Variants in PDE3A observed in about 807,000 individuals in gnomAD.
PDE3A encodes the protein cGMP-inhibited 3',5'-cyclic phosphodiesterase 3A.
PDE3A carries 43 observed loss-of-function variants against 98.3 expected under a neutral mutation model. That is an observed-to-expected ratio of 0.44 (90% CI 0.34 to 0.56). The LOEUF is 0.56. PDE3A is among the 20% of genes least tolerant of loss of function. The pLI is 0.01. For synonymous variants in PDE3A, 663 were observed against 567.9 expected (o/e 1.17, Z -2.38); for missense variants, 1,427 against 1,440.7 (o/e 0.99, Z 0.15).
chr12:20,534,641 C>G (rs1181504320), intron 1 of PDE3A, among the ~76,000 whole-genome samples: 1 of 152,126 alleles, frequency 6.6e-6, no homozygotes, highest in African/African-American at 2.4e-5. Flanking sequence ...GACCTTTGGA[C>G]ACATTTTCTG....
chr12:20,572,176 G>C (rs1462052588), intron 2 of PDE3A: 2 of 1,203,074 alleles, frequency 1.7e-6, no homozygotes, highest in Admixed American at 4.7e-5. Flanking sequence ...GAAAAGGTAT[G>C]AATAACCTTT....
chr12:20,481,616 A>G (rs1337037315), intron 1 of PDE3A, among the ~76,000 whole-genome samples: 1 of 152,116 alleles, frequency 6.6e-6, no homozygotes, highest in East Asian at 1.9e-4. Flanking sequence ...TAAGTAAAGG[A>G]AGCATTTTAA....
rs1409061448 is a variant in PDE3A, at chr12:20,613,597, C to A, written c.1166C>A (p.Ala389Asp). ...NLLSTQLTFQ[A>D]IHKPRVNPVT... ...CTCAGCACACAGCTCACCTTCCAGG[C>A]CATTCACAAGCCCAGAGTGAATCCC... Residue 389 changes from alanine (A) to aspartate (D), a missense_variant, in exon 3 of 16, where the codon GCC becomes GAC. By Grantham distance (126) the Ala-to-Asp change is moderately radical. Transcript: ENST00000359062. 1.2e-6 allele frequency: 2 copies of A among 1,613,922 alleles called. No homozygotes were observed. The highest frequency in any genetic ancestry group is 1.1e-5 in the South Asian group (1 of 91,080).
Position 20,650,457 on chromosome 12 carries a change from G to T in PDE3A, c.2782G>T (p.Val928Phe). 1.2e-6 allele frequency: 2 copies of T among 1,606,146 alleles called. No individual in the cohort carries two copies. Among genetic ancestry groups the T allele is most frequent in the Non-Finnish European group, 1.7e-6 (2 of 1,174,810 alleles). ...AKFNGKVNDD[V>F]GIDWTNENDR... ...ATCTCTCAAATAGGTAAATGATGAT[G>T]TTGGAATAGATTGGACCAATGAAAA... is the stretch of plus-strand genomic sequence containing the variant. The change falls in exon 14 of 16, where the codon GTT (valine) becomes TTT (phenylalanine). Residue 928 changes from valine to phenylalanine, a missense_variant. By Grantham distance (50) the Val-to-Phe change is conservative. Transcript: ENST00000359062.
At chr12:20,519,293 C>T (rs954465393) in intron 1 of PDE3A, among the ~76,000 whole-genome samples, 2 of 152,138 alleles carry the variant, frequency 1.3e-5, no homozygotes, top group African/African-American at 4.8e-5. Context: ...ACTGGTGCCC[C>T]CTGGAGTTGT....
At chr12:20,602,994 A>G (rs1186884530) in intron 2 of PDE3A, among the ~76,000 whole-genome samples, 3 of 152,210 alleles carry the variant, frequency 2.0e-5, no homozygotes, top group African/African-American at 7.2e-5. Context: ...TTAATGTAGT[A>G]CATTAAAGAC....
At chr12:20,554,491 T>G (rs1942313937) in intron 1 of PDE3A, among the ~76,000 whole-genome samples, 1 of 151,880 alleles carries the variant, frequency 6.6e-6, no homozygotes, top group Non-Finnish European at 1.5e-5. Context: ...TTTTAAAAAT[T>G]TGTCTTTTAA....
chr12:20,644,170 C>T (rs1302393409), intron 10 of PDE3A, among the ~76,000 whole-genome samples: 2 of 152,174 alleles, frequency 1.3e-5, no homozygotes, highest in Non-Finnish European at 2.9e-5. Flanking sequence ...CCCAGACTGC[C>T]ATTTTCCTAC....
At chr12:20,650,243 CGTTA>C (rs202240690) in intron 13 of PDE3A, among the ~76,000 whole-genome samples, 198 bp from the exon 14 acceptor site, 1 of 139,266 alleles carries the variant, frequency 7.2e-6, no homozygotes, top group African/African-American at 2.6e-5. Flanking sequence ...ATCCATAATT[CGTTA>C]TTTTACTTTT....
intron 15 of PDE3A, among the ~76,000 whole-genome samples, chr12:20,661,953 G>A (rs1945181313): frequency 2.0e-5 from 3 of 151,990 alleles, no homozygotes; most frequent in African/African-American, 7.3e-5. Flanking sequence ...CCAACAGCTG[G>A]CACCATGTGC....
At chr12:20,641,869 T>C in intron 10 of PDE3A, among the ~76,000 whole-genome samples, 1 of 152,176 alleles carries the variant, frequency 6.6e-6, no homozygotes, top group East Asian at 1.9e-4. Context: ...AAGTCCCAGA[T>C]AGTCTCCATA....
At chr12:20,549,307 C>T (rs1364780959) in intron 1 of PDE3A, among the ~76,000 whole-genome samples, 1 of 150,338 alleles carries the variant, frequency 6.7e-6, no homozygotes, top group Non-Finnish European at 1.5e-5. Context: ...CACCCCATGC[C>T]CCATCTAGTG....
chr12:20,523,614 G>T (rs1271688811), intron 1 of PDE3A, among the ~76,000 whole-genome samples: 1 of 152,130 alleles, frequency 6.6e-6, no homozygotes, highest in Non-Finnish European at 1.5e-5. Flanking sequence ...TTCAAATGTT[G>T]ATTTTTAGTG....
intron 1 of PDE3A, chr12:20,449,861 G>T: frequency 1.6e-6 from 1 of 609,092 alleles, no homozygotes. Context: ...GCCCCTTTTA[G>T]TGGACATTTG....
intron 1 of PDE3A, among the ~76,000 whole-genome samples, chr12:20,470,838 C>T (rs544385854): frequency 1.6e-4 from 24 of 152,028 alleles, no homozygotes; most frequent in Non-Finnish European, 3.4e-4. Flanking sequence ...GGTGAAGGGG[C>T]CTTTGGCAGG....
intron 13 of PDE3A, among the ~76,000 whole-genome samples, chr12:20,649,747 G>A (rs1054408781): frequency 1.3e-5 from 2 of 152,040 alleles, no homozygotes; most frequent in South Asian, 2.1e-4. Flanking sequence ...CTAATATGGC[G>A]AAACACCATC....
intron 10 of PDE3A, among the ~76,000 whole-genome samples, chr12:20,644,822 C>G (rs1041232792): frequency 9.5e-4 from 143 of 150,676 alleles, no homozygotes; most frequent in African/African-American, 3.3e-3. Flanking sequence ...CCTCCTCCTC[C>G]TCCTCCTTCC....
At chr12:20,433,078 A>C (rs565983958) in intron 1 of PDE3A, among the ~76,000 whole-genome samples, 2 of 152,114 alleles carry the variant, frequency 1.3e-5, no homozygotes, top group African/African-American at 4.8e-5. Flanking sequence ...CAACTATAAC[A>C]ATGAATAGAT....
intron 1 of PDE3A, among the ~76,000 whole-genome samples, chr12:20,544,000 G>C (rs191242411): frequency 5.9e-4 from 89 of 151,904 alleles, no homozygotes; most frequent in Middle Eastern, 6.8e-3. Context: ...TATCAAGTCA[G>C]AATTGGGATT....
Sources: allele counts gnomAD v4.1 joint callset (sites outside exome capture counted in the v4.1 genomes callset), GRCh38; gene constraint gnomAD v4.1.1; transcripts MANE v1.5; gene names NCBI Gene and HGNC (gene_info 2026-07-23, HGNC 2026-07-21).